EIF2B3: variants seen among roughly 807,000 people sequenced by gnomAD.
EIF2B3 encodes eukaryotic translation initiation factor 2B subunit gamma.
A neutral mutation model predicts 54.1 loss-of-function variants in EIF2B3; 20 were observed. The observed-to-expected ratio is 0.37, with a 90% CI of 0.26 to 0.54. The LOEUF (loss-of-function observed/expected upper bound fraction) is 0.54. Ranked by LOEUF, EIF2B3 falls within the 20% of genes least tolerant of loss-of-function variation. The probability of loss-of-function intolerance (pLI) is 0.86; values close to 1 mark genes in which losing one functional copy is unlikely to be tolerated. For missense variants in EIF2B3, 448 were observed against 547.8 expected (o/e 0.82, Z 1.82); for synonymous variants, 153 against 188.1 (o/e 0.81, Z 1.52).
intron 3 of EIF2B3, among the ~76,000 whole-genome samples, chr1:44,953,162 A>C (rs1479458079): frequency 5.9e-5 from 9 of 151,802 alleles, no homozygotes; most frequent in East Asian, 1.9e-4. Flanking sequence ...AAAAAAAAAA[A>C]AAAAACCAGA....
At chr1:44,906,529 T>TA (rs1643413896) in intron 5 of EIF2B3, among the ~76,000 whole-genome samples, 2 of 152,176 alleles carry the variant, frequency 1.3e-5, no homozygotes, top group African/African-American at 4.8e-5. Flanking sequence ...GCCTCCCGAG[T>TA]AGCTGGGATT....
intron 4 of EIF2B3, among the ~76,000 whole-genome samples, chr1:44,928,100 C>G (rs1643869373): frequency 6.6e-6 from 1 of 151,214 alleles, no homozygotes; most frequent in African/African-American, 2.4e-5. Flanking sequence ...TGCAGTGAGC[C>G]ATGACTGCTG....
intron 3 of EIF2B3, among the ~76,000 whole-genome samples, chr1:44,970,962 T>C (rs1161674882): frequency 2.0e-5 from 3 of 152,124 alleles, no homozygotes; most frequent in Admixed American, 6.5e-5. Flanking sequence ...GGTAGGATTA[T>C]ATGTAAGAGA....
intron 4 of EIF2B3, among the ~76,000 whole-genome samples, chr1:44,930,471 G>A (rs530603261): frequency 6.6e-6 from 1 of 152,340 alleles, no homozygotes; most frequent in Non-Finnish European, 1.5e-5. Context: ...AGCAGCTGAA[G>A]TGACAGTGTG....
chr1:44,980,471 T>C (rs923895932), intron 2 of EIF2B3, among the ~76,000 whole-genome samples: 3 of 151,444 alleles, frequency 2.0e-5, no homozygotes, highest in Non-Finnish European at 4.4e-5. Flanking sequence ...CGTGAGACTC[T>C]GTCTCAAAAA....
chr1:44,941,798 C>A, intron 3 of EIF2B3, 133 bp from the exon 4 acceptor site: 1 of 1,062,890 alleles, frequency 9.4e-7, no homozygotes, highest in Non-Finnish European at 1.4e-6. Context: ...CATAGCCAAA[C>A]AAGTAAAATA....
chr1:44,873,807 A>ATT (rs35507556), intron 10 of EIF2B3, among the ~76,000 whole-genome samples: 18 of 142,304 alleles, frequency 1.3e-4, no homozygotes, highest in Non-Finnish European at 2.2e-4. Flanking sequence ...CACCTGGCTA[A>ATT]TTTTTTTTTT....
chr1:44,888,473 ATCTCTCTCTCTCTC>A (rs3044260), intron 6 of EIF2B3, among the ~76,000 whole-genome samples: 11,106 of 144,504 alleles, frequency 0.077, 1,401 homozygotes, highest in African/African-American at 0.26. Flanking sequence ...TGGCTTCTCA[ATCTCTCTCTCTCTC>A]TCTCTCTCTC....
chr1:44,882,386 A>G (rs1655430661), intron 6 of EIF2B3, among the ~76,000 whole-genome samples: 1 of 152,172 alleles, frequency 6.6e-6, no homozygotes, highest in South Asian at 2.1e-4. Context: ...GTTAACCTCC[A>G]AATTGCTCTT....
rs770256354 is a variant in EIF2B3 at position 44,874,737 on chromosome 1, T to C, written c.1143A>G (p.Ile381Met). The change falls in exon 10 of 12, where the codon ATA becomes ATG. Residue 381 changes from isoleucine (I) to methionine (M), a missense_variant. Around this residue, in one of 3 missense-constraint regions of EIF2B3, gnomAD observed 350 missense variants for 414.2 expected, o/e 0.85. Coordinates refer to ENST00000360403, the MANE Select transcript of EIF2B3 (RefSeq NM_020365.5). ...AATTGGTAATAGTCACTCTATCTTTTATGAGACAGGATGAGCCAATGACTG... is the reference window on the plus strand; with the variant it reads ...AATTGGTAATAGTCACTCTATCTTTCATGAGACAGGATGAGCCAATGACTG... ...KRSVIGSSCL[I>M]KDRVTITNCL... The C allele has an allele frequency of 6.2e-7, 1 of 1,614,182 alleles. No homozygotes were observed. The highest frequency in any genetic ancestry group is 1.1e-5 in the South Asian group (1 of 91,078).
At chr1:44,952,255 G>A (rs189665535) in intron 3 of EIF2B3, among the ~76,000 whole-genome samples, 3 of 104,346 alleles carry the variant, frequency 2.9e-5, no homozygotes, top group Admixed American at 2.7e-4. Flanking sequence ...GAGCCACCGC[G>A]CCCGGCCCTA....
intron 3 of EIF2B3, among the ~76,000 whole-genome samples, chr1:44,972,914 G>A (rs1161558253): frequency 6.6e-6 from 1 of 152,094 alleles, no homozygotes; most frequent in Non-Finnish European, 1.5e-5. Flanking sequence ...GGCAACATAT[G>A]CCCATGGTTC....
At chr1:44,898,351 T>G (rs1656048136) in intron 5 of EIF2B3, among the ~76,000 whole-genome samples, 1 of 152,210 alleles carries the variant, frequency 6.6e-6, no homozygotes, top group South Asian at 2.1e-4. Flanking sequence ...ATAGACTATT[T>G]ACTTGTCTCT....
intron 3 of EIF2B3, among the ~76,000 whole-genome samples, chr1:44,962,097 C>T (rs1057050963): frequency 2.0e-5 from 3 of 152,134 alleles, no homozygotes; most frequent in Non-Finnish European, 4.4e-5. Context: ...GAGGCTGAGA[C>T]AGGAGAATCA....
chr1:44,850,935 C>G lies in EIF2B3; in HGVS notation c.*16G>C. ...GCTTTGGAGGCCAAAAGGAAGGAGT[C>G]TGACTTGCTCAGAACTCAGATCTCC... is the stretch of plus-strand genomic sequence containing the variant. On this transcript the variant is annotated 3_prime_UTR_variant, in exon 12 of 12. Coordinates refer to ENST00000360403, the MANE Select transcript of EIF2B3 (RefSeq NM_020365.5). 1 of 1,614,124 alleles carries G rather than the reference C, an allele frequency of 6.2e-7. No homozygotes were observed. The highest frequency in any genetic ancestry group is 1.1e-5 in the South Asian group (1 of 91,076).
chr1:44,938,278 C>T (rs1193899010), intron 4 of EIF2B3, among the ~76,000 whole-genome samples: 1 of 152,118 alleles, frequency 6.6e-6, no homozygotes, highest in African/African-American at 2.4e-5. Context: ...GAATTTAAAA[C>T]TCAATTATTT....
intron 3 of EIF2B3, among the ~76,000 whole-genome samples, chr1:44,970,614 C>T (rs183233878): frequency 1.3e-5 from 2 of 152,312 alleles, no homozygotes; most frequent in Admixed American, 1.3e-4. Context: ...CAACTTTCTC[C>T]TTTAGAGAGA....
intron 5 of EIF2B3, among the ~76,000 whole-genome samples, chr1:44,904,331 G>T (rs1293162510): frequency 6.6e-6 from 1 of 152,186 alleles, no homozygotes; most frequent in Non-Finnish European, 1.5e-5. Flanking sequence ...GTCATGGATG[G>T]CTTCTGAATT....
At chr1:44,898,235 C>A (rs891081609) in intron 5 of EIF2B3, among the ~76,000 whole-genome samples, 2 of 152,130 alleles carry the variant, frequency 1.3e-5, no homozygotes, top group Admixed American at 6.5e-5. Flanking sequence ...AGGACTCACC[C>A]CAGGATACAC....
Sources: gnomAD v4.1 joint callset for allele counts (sites outside exome capture counted in the v4.1 genomes callset) on GRCh38, gnomAD v4.1.1 for gene constraint, gnomAD v4.1.1 regional missense constraint, MANE v1.5 for transcripts, NCBI Gene and HGNC (gene_info 2026-07-23, HGNC 2026-07-21) for gene names.